Variants in OR51B5 observed in about 807,000 individuals in gnomAD.
The protein encoded by OR51B5 is olfactory receptor family 51 subfamily B member 5, also known as olfactory receptor 51B5.
For missense variants in OR51B5, 456 were observed against 374.6 expected (o/e 1.22, Z -1.79); for synonymous variants, 186 against 144.8 (o/e 1.28, Z -2.04).
chr11:5,478,300 C>T (rs950924309), intron 1 of OR51B5, among the ~76,000 whole-genome samples: 2,100 of 151,912 alleles, frequency 0.014, 50 homozygotes, highest in African/African-American at 0.048. Flanking sequence ...AGCTGAGGGT[C>T]CTGTCTGTTA....
At chr11:5,378,357 C>A (rs562140519) in intron 1 of OR51B5, among the ~76,000 whole-genome samples, 2 of 151,808 alleles carry the variant, frequency 1.3e-5, no homozygotes, top group Admixed American at 6.6e-5. Flanking sequence ...CCATAAAAAC[C>A]CTAGAAGAAA....
chr11:5,388,052 T>G (rs532588361), intron 1 of OR51B5, among the ~76,000 whole-genome samples: 1 of 152,278 alleles, frequency 6.6e-6, no homozygotes, highest in East Asian at 1.9e-4. Context: ...ATGTCTGCCA[T>G]GTAATACAAT....
At chr11:5,347,502 T>C (rs550073993), upstream of OR51B5, among the ~76,000 whole-genome samples, 2 of 148,242 alleles carry the variant, frequency 1.3e-5, no homozygotes, top group Non-Finnish European at 2.9e-5. Flanking sequence ...CACATGGTGC[T>C]TCAGCCAAGC....
intron 1 of OR51B5, chr11:5,355,623 A>T (rs1205965088): frequency 6.6e-6 from 1 of 152,310 alleles, no homozygotes; most frequent in African/African-American, 2.4e-5. Flanking sequence ...CAGCAGGAAA[A>T]ATATCATCTT....
At chr11:5,409,868 A>G (rs1031002689) in intron 1 of OR51B5, among the ~76,000 whole-genome samples, 3 of 151,868 alleles carry the variant, frequency 2.0e-5, no homozygotes, top group Non-Finnish European at 4.4e-5. Flanking sequence ...AACAGAAACC[A>G]GTAACAAAGA....
intron 1 of OR51B5, among the ~76,000 whole-genome samples, chr11:5,363,846 A>G (rs1849325312): frequency 6.6e-6 from 1 of 152,196 alleles, no homozygotes; most frequent in Non-Finnish European, 1.5e-5. Flanking sequence ...TACCATAGCA[A>G]TTATGTTCCC....
rs565882930 is a variant in OR51B5, at chr11:5,358,654, T to G, written n.85-11744A>C. On this transcript the variant is annotated intron_variant and non_coding_transcript_variant, in intron 1 of 4. Coordinates refer to the OR51B5 transcript ENST00000415970. ...CCTAACTCATTTTATGAGGCCAGCATCATCCTGATACCAAAGCCGGGCAGA... is the reference window on the plus strand; with the variant it reads ...CCTAACTCATTTTATGAGGCCAGCAGCATCCTGATACCAAAGCCGGGCAGA... Among the ~76,000 whole-genome samples the G allele has an allele frequency of 1.5e-3, 224 of 152,136 alleles. 2 individuals are homozygous for G. The highest frequency in any genetic ancestry group is 2.5e-3 in the South Asian group (12 of 4,812).
chr11:5,489,245 C>A lies in OR51B5; in HGVS notation n.84+16324G>T, dbSNP rs1466343271. On this transcript the variant is annotated intron_variant and non_coding_transcript_variant, in intron 1 of 4. Transcript: ENST00000415970. Reference sequence around the variant, plus strand: ...TGTGGTCACCGTGTCATGACACACACATACTGTGAGCATATGGGCATTGCC... The same window carrying A: ...TGTGGTCACCGTGTCATGACACACAAATACTGTGAGCATATGGGCATTGCC... 4.3e-6 allele frequency: 7 copies of A among 1,613,936 alleles called. No homozygotes were observed. The highest frequency in any genetic ancestry group is 1.3e-5 in the African/African-American group (1 of 74,918).
chr11:5,342,680 G>A lies in OR51B5; in HGVS notation c.845C>T (p.Pro282Leu), dbSNP rs781205134. The A allele has an allele frequency of 3.7e-6, 6 of 1,613,954 alleles. 1 individual carries two copies. In the East Asian group the frequency reaches 6.7e-5, roughly 18 times the overall value. The change falls in exon 1 of 1, where the codon CCT becomes CTT. Residue 282 changes from proline (P) to leucine (L), a missense_variant. Transcript: ENST00000300773. ...ATATGTTATAGGATTCATTAGTGGA[G>A]GGAACAGAAAATAGGCATAGCTCAT...
intron 1 of OR51B5, among the ~76,000 whole-genome samples, chr11:5,409,648 A>T (rs1278254044): frequency 6.6e-6 from 1 of 152,118 alleles, no homozygotes; most frequent in Non-Finnish European, 1.5e-5. Context: ...AAAAATTGAA[A>T]ATATAAAGAC....
At chr11:5,357,762 G>A (rs1228843626) in intron 1 of OR51B5, among the ~76,000 whole-genome samples, 5 of 150,406 alleles carry the variant, frequency 3.3e-5, no homozygotes, top group African/African-American at 9.8e-5. Context: ...CTCAGCAAAT[G>A]TAAAAGAACA....
chr11:5,488,710 T>C, intron 1 of OR51B5: 3 of 1,610,006 alleles, frequency 1.9e-6, no homozygotes, highest in Non-Finnish European at 2.5e-6. Context: ...AGGAAGAATG[T>C]CAGATTCCAA....
chr11:5,393,037 A>G (rs1199126475), intron 1 of OR51B5: 3 of 152,258 alleles, frequency 2.0e-5, no homozygotes, highest in African/African-American at 7.2e-5. Context: ...AAATACATCA[A>G]AAGACTTGAA....
chr11:5,389,452 T>C (rs1411892766), intron 1 of OR51B5: 1 of 1,613,882 alleles, frequency 6.2e-7, no homozygotes, highest in Non-Finnish European at 8.5e-7. Context: ...CCAACATTAC[T>C]CAGTTTAGCC....
chr11:5,477,916 G>A (rs2879745), intron 1 of OR51B5, among the ~76,000 whole-genome samples: 31,577 of 151,696 alleles, frequency 0.21, 3,409 homozygotes, highest in Middle Eastern at 0.28. Context: ...AAACTGCAAG[G>A]CAGCAGGGAG....
intron 1 of OR51B5, among the ~76,000 whole-genome samples, chr11:5,357,707 C>T (rs1290917633): frequency 6.7e-6 from 1 of 150,184 alleles, no homozygotes; most frequent in Admixed American, 6.6e-5. Flanking sequence ...AGCACCACAC[C>T]ACACCTATTC....
At chr11:5,344,533 C>T (rs994795802), upstream of OR51B5, among the ~76,000 whole-genome samples, 13 of 152,142 alleles carry the variant, frequency 8.5e-5, no homozygotes, top group African/African-American at 2.9e-4. Context: ...GTGGTGCTGT[C>T]TTTTACTGAA....
intron 1 of OR51B5, among the ~76,000 whole-genome samples, chr11:5,479,848 C>T (rs567996696): frequency 2.0e-3 from 282 of 142,060 alleles, no homozygotes; most frequent in Non-Finnish European, 3.3e-3. Flanking sequence ...ACAGGAGCAC[C>T]CAGATTCATA....
intron 1 of OR51B5, among the ~76,000 whole-genome samples, chr11:5,367,900 T>A (rs1849395540): frequency 6.6e-6 from 1 of 152,230 alleles, no homozygotes; most frequent in Admixed American, 6.5e-5. Flanking sequence ...TATGTCCTCA[T>A]GCTTAAATCT....
Sources: gnomAD v4.1 joint callset for allele counts (sites outside exome capture counted in the v4.1 genomes callset) on GRCh38, gnomAD v4.1.1 for gene constraint, MANE v1.5 for transcripts, NCBI Gene and HGNC (gene_info 2026-07-23, HGNC 2026-07-21) for gene names.